Variants in ROBO1 observed in about 807,000 individuals in gnomAD.
ROBO1 encodes roundabout homolog 1.
ROBO1 carries 149 observed loss-of-function variants against 195.9 expected under a neutral mutation model. The ratio of observed to expected loss-of-function variants is 0.76; its 90% confidence interval spans 0.67 to 0.87. ROBO1 has a LOEUF of 0.87. Ranked by LOEUF, ROBO1 falls within the 40% of genes least tolerant of loss-of-function variation. The pLI is 0.00. For synonymous variants in ROBO1, 816 were observed against 733.2 expected (o/e 1.11, Z -1.82); for missense variants, 1,933 against 2,068.3 (o/e 0.93, Z 1.27).
intron 2 of ROBO1, among the ~76,000 whole-genome samples, chr3:79,231,638 G>A (rs1407595419): frequency 6.6e-6 from 1 of 152,160 alleles, no homozygotes; most frequent in Non-Finnish European, 1.5e-5. Flanking sequence ...TTCAACAATT[G>A]TAGAAGACAA....
intron 4 of ROBO1, among the ~76,000 whole-genome samples, chr3:78,777,889 G>A (rs11127634): frequency 1.3e-5 from 2 of 152,000 alleles, no homozygotes; most frequent in African/African-American, 4.8e-5. Context: ...GGAGTGGTGA[G>A]AGAGGGCATC....
rs1463550400 is a variant in ROBO1, at chr3:79,560,091, TACTC to T, written c.88+29729_88+29732del. Among the ~76,000 whole-genome samples, 7 of 152,102 alleles carry T rather than the reference TACTC, an allele frequency of 4.6e-5. No individual in the cohort carries two copies. In the East Asian group the frequency reaches 5.8e-4, roughly 13 times the overall value. On this transcript the variant is annotated intron_variant, in intron 2 of 30. Transcript: ENST00000464233. ...ATCTTTTTATGATTTTATTAACACT[TACTC>T]ACGTTAAGTGATTAATAGAGAATTT...
intron 3 of ROBO1, among the ~76,000 whole-genome samples, chr3:79,042,460 C>T (rs1273739128): frequency 3.9e-5 from 6 of 152,070 alleles, no homozygotes; most frequent in South Asian, 4.1e-4. Flanking sequence ...AACTTCTCCA[C>T]GGCGCAAAAA....
chr3:79,519,442 A>G (rs1941101511), intron 2 of ROBO1, among the ~76,000 whole-genome samples: 1 of 151,916 alleles, frequency 6.6e-6, no homozygotes, highest in Non-Finnish European at 1.5e-5. Flanking sequence ...CATCCTGGCC[A>G]ACATGGAGAA....
chr3:79,687,686 G>C (rs1947167299), intron 1 of ROBO1, among the ~76,000 whole-genome samples: 1 of 152,124 alleles, frequency 6.6e-6, no homozygotes, highest in East Asian at 1.9e-4. Flanking sequence ...TCTCACACCA[G>C]GTAGAATGGT....
intron 1 of ROBO1, among the ~76,000 whole-genome samples, chr3:79,725,044 G>C (rs955951549): frequency 6.6e-6 from 1 of 151,960 alleles, no homozygotes; most frequent in Non-Finnish European, 1.5e-5. Flanking sequence ...CCTTGGGTTT[G>C]TATCATTCTT....
intron 14 of ROBO1, among the ~76,000 whole-genome samples, chr3:78,665,756 G>A (rs902802274): frequency 1.3e-5 from 2 of 152,088 alleles, no homozygotes; most frequent in East Asian, 1.9e-4. Flanking sequence ...TATAGGTGAG[G>A]AAACTCAGAA....
At chr3:79,051,617 T>C (rs1576615086) in intron 3 of ROBO1, among the ~76,000 whole-genome samples, 1 of 152,262 alleles carries the variant, frequency 6.6e-6, no homozygotes, top group African/African-American at 2.4e-5. Context: ...AAGAGAATTT[T>C]AGGCCAATAT....
intron 2 of ROBO1, among the ~76,000 whole-genome samples, chr3:79,137,498 T>C (rs545181756): frequency 6.6e-6 from 1 of 152,160 alleles, no homozygotes; most frequent in Non-Finnish European, 1.5e-5. Flanking sequence ...AAAAAGGAAG[T>C]AAAACCTGCA....
intron 2 of ROBO1, among the ~76,000 whole-genome samples, chr3:79,419,535 CT>C (rs1164630702): frequency 6.6e-6 from 1 of 152,096 alleles, no homozygotes; most frequent in African/African-American, 2.4e-5. Flanking sequence ...GCTCCCCGTT[CT>C]TCCTGCATGC....
At chr3:78,905,371 C>T (rs144944342) in intron 4 of ROBO1, among the ~76,000 whole-genome samples, 119 of 152,170 alleles carry the variant, frequency 7.8e-4, no homozygotes, top group African/African-American at 2.6e-3. Flanking sequence ...GGTGCAGTGG[C>T]TCATGCCTAT....
intron 8 of ROBO1, among the ~76,000 whole-genome samples, chr3:78,700,827 G>A (rs112401886): frequency 0.03 from 4,443 of 150,190 alleles, 97 homozygotes; most frequent in African/African-American, 0.067. Context: ...GCAGTGTCGC[G>A]ATCCCAGCTC....
rs564944928 is a variant in ROBO1, at chr3:78,998,821, T to G, written c.173-59894A>C. ...TTCCATGCTACTGGTTGAGAGATCT[T>G]TCTGTCCCACCCTATTTTGGATAGG... is the stretch of plus-strand genomic sequence containing the variant. On this transcript the variant is annotated intron_variant, in intron 3 of 30. Coordinates refer to ENST00000464233, the MANE Select transcript of ROBO1 (RefSeq NM_002941.4). Among the ~76,000 whole-genome samples the G allele has an allele frequency of 2.0e-5, 3 of 152,238 alleles. No homozygotes were observed. In the East Asian group the frequency reaches 5.8e-4, roughly 29 times the overall value.
intron 2 of ROBO1, among the ~76,000 whole-genome samples, chr3:79,399,571 C>A (rs943819598): frequency 6.6e-6 from 1 of 152,152 alleles, no homozygotes; most frequent in Non-Finnish European, 1.5e-5. Flanking sequence ...ATTTAAAAAT[C>A]AAAAGCGATC....
At chr3:78,817,997 G>A (rs2030329481) in intron 4 of ROBO1, among the ~76,000 whole-genome samples, 1 of 152,188 alleles carries the variant, frequency 6.6e-6, no homozygotes, top group African/African-American at 2.4e-5. Flanking sequence ...TCAAAATACA[G>A]TTAAAACCTG....
intron 2 of ROBO1, among the ~76,000 whole-genome samples, chr3:79,300,856 A>G (rs2032906172): frequency 6.6e-6 from 1 of 152,060 alleles, no homozygotes; most frequent in Non-Finnish European, 1.5e-5. Flanking sequence ...GGGGCCTTGG[A>G]GAACCTTTAT....
At position 78,820,446 on chromosome 3, in the gene ROBO1, T is replaced by C. The variant is rs367591777; in HGVS notation, c.500-73546A>G. The stretch of plus-strand genomic sequence containing the variant: ...GTCAAGGCCTGGATTCAAAGCCAAA[T>C]TTGTACTAATGTTAACGTAGGTAGA... On this transcript the variant is annotated intron_variant, in intron 4 of 30. Coordinates refer to ENST00000464233, the MANE Select transcript of ROBO1 (RefSeq NM_002941.4). 5.3e-5 allele frequency among the ~76,000 whole-genome samples: 8 copies of C among 152,308 alleles called. No individual in the cohort carries two copies. The South Asian group carries it at 1.0e-3, about 20-fold the overall frequency.
intron 3 of ROBO1, among the ~76,000 whole-genome samples, chr3:79,014,131 GT>G (rs1267268044): frequency 6.6e-6 from 1 of 152,022 alleles, no homozygotes; most frequent in Admixed American, 6.6e-5. Flanking sequence ...TCTTTATATA[GT>G]TGTTGAATTT....
chr3:79,073,787 C>T (rs1016112482), intron 3 of ROBO1, among the ~76,000 whole-genome samples: 2 of 151,588 alleles, frequency 1.3e-5, no homozygotes, highest in African/African-American at 4.8e-5. Flanking sequence ...GATAGATCAT[C>T]GGAAAATGGC....
Sources: allele counts gnomAD v4.1 joint callset (sites outside exome capture counted in the v4.1 genomes callset), GRCh38; gene constraint gnomAD v4.1.1; transcripts MANE v1.5; gene names NCBI Gene and HGNC (gene_info 2026-07-23, HGNC 2026-07-21).